Variants in CUL3 observed in about 807,000 individuals in gnomAD.
CUL3 encodes the protein cullin 3, also known as cullin-3.
CUL3 carries 19 observed loss-of-function variants against 89.1 expected under a neutral mutation model. The observed-to-expected ratio is 0.21, with a 90% CI of 0.15 to 0.31. The LOEUF (loss-of-function observed/expected upper bound fraction) is 0.31, where lower values mean the gene tolerates loss of function less well. Among genes scored for constraint, CUL3 ranks in the 10% least tolerant of loss-of-function variants. The probability of loss-of-function intolerance (pLI) is 1.00; values close to 1 mark genes in which losing one functional copy is unlikely to be tolerated. For synonymous variants in CUL3, 351 were observed against 308.4 expected, an observed-to-expected ratio of 1.14 and a Z score of -1.45; for missense variants, 469 against 942.3, an observed-to-expected ratio of 0.50 and a Z score of 6.58.
chr2:224,482,434 T>C (rs1270528897), intron 13 of CUL3, among the ~76,000 whole-genome samples: 1 of 152,148 alleles, frequency 6.6e-6, no homozygotes, highest in Non-Finnish European at 1.5e-5. Context: ...ATAAATATTT[T>C]ACAATCTTCC....
intron 3 of CUL3, among the ~76,000 whole-genome samples, chr2:224,518,795 C>T (rs1693159257): frequency 6.6e-6 from 1 of 152,220 alleles, no homozygotes; most frequent in African/African-American, 2.4e-5. Flanking sequence ...GTACACTTCA[C>T]TACTTCTTCC....
intron 3 of CUL3, among the ~76,000 whole-genome samples, chr2:224,528,389 G>A (rs1044764906): frequency 6.6e-6 from 1 of 152,152 alleles, no homozygotes; most frequent in Non-Finnish European, 1.5e-5. Flanking sequence ...GTAAGAACCA[G>A]TATGATTACA....
At chr2:224,518,928 T>G (rs1693165750) in intron 3 of CUL3, among the ~76,000 whole-genome samples, 1 of 152,244 alleles carries the variant, frequency 6.6e-6, no homozygotes, top group Non-Finnish European at 1.5e-5. Flanking sequence ...GTCTGCTATC[T>G]TAAGCCCTCT....
At chr2:224,545,161 T>C (rs917280176) in intron 2 of CUL3, among the ~76,000 whole-genome samples, 4 of 152,170 alleles carry the variant, frequency 2.6e-5, no homozygotes, top group Admixed American at 6.5e-5. Flanking sequence ...AGATAATTAA[T>C]TTTAAGTTTT....
intron 1 of CUL3, among the ~76,000 whole-genome samples, chr2:224,566,612 C>T (rs577320397): frequency 6.6e-6 from 1 of 152,326 alleles, no homozygotes; most frequent in South Asian, 2.1e-4. Flanking sequence ...TCTTCAATGG[C>T]AGAAGCTGCT....
intron 3 of CUL3, among the ~76,000 whole-genome samples, chr2:224,515,494 G>A (rs1020536803): frequency 1.3e-4 from 20 of 152,104 alleles, no homozygotes; most frequent in Admixed American, 3.9e-4. Context: ...GGATCTCTCT[G>A]GGCTTTGGTG....
At chr2:224,567,068 G>A (rs546160363) in intron 1 of CUL3, among the ~76,000 whole-genome samples, 2 of 152,236 alleles carry the variant, frequency 1.3e-5, no homozygotes, top group South Asian at 2.1e-4. Context: ...CTGGGGGCAC[G>A]TCGAATGGGT....
chr2:224,568,719 T>A (rs1695107634), intron 1 of CUL3, among the ~76,000 whole-genome samples: 1 of 152,084 alleles, frequency 6.6e-6, no homozygotes, highest in African/African-American at 2.4e-5. Flanking sequence ...AAATATTAAC[T>A]GGGAAAAAAA....
At chr2:224,574,267 C>T (rs1695248820) in intron 1 of CUL3, among the ~76,000 whole-genome samples, 1 of 152,074 alleles carries the variant, frequency 6.6e-6, no homozygotes, top group Admixed American at 6.5e-5. Flanking sequence ...ATTACAAGTA[C>T]TAAATGGAGG....
chr2:224,506,690 C>A (rs532656592), intron 7 of CUL3, among the ~76,000 whole-genome samples, 168 bp downstream of exon 7: 1 of 152,046 alleles, frequency 6.6e-6, no homozygotes, highest in South Asian at 2.1e-4. Flanking sequence ...GATATAAATA[C>A]GCACACCTTG....
chr2:224,585,101 T>C lies in CUL3; in HGVS notation c.-92A>G, dbSNP rs1695549633. 2 of 1,045,250 alleles carry C rather than the reference T, an allele frequency of 1.9e-6. No individual in the cohort carries two copies. The highest frequency in any genetic ancestry group is 1.7e-5 in the African/African-American group (1 of 58,232). The allele number at this position is 1,045,250 out of a possible 1,614,324, so 64.7% of individuals were successfully genotyped here. On this transcript the variant is annotated 5_prime_UTR_variant, in exon 1 of 16. Coordinates refer to ENST00000264414, the MANE Select transcript of CUL3 (RefSeq NM_003590.5). ...CGGGCAGGCAGGCTAGGGGCGACGC[T>C]GGGGGCGGCGGCGGCGCGACCCCCG...
chr2:224,484,036 A>T (rs1253606581), intron 13 of CUL3, among the ~76,000 whole-genome samples: 1 of 152,094 alleles, frequency 6.6e-6, no homozygotes, highest in Non-Finnish European at 1.5e-5. Flanking sequence ...CCAAACATTT[A>T]AAAAATAGCC....
chr2:224,562,556 T>A (rs1444718573), intron 1 of CUL3: 1 of 150,934 alleles, frequency 6.6e-6, no homozygotes, highest in African/African-American at 2.4e-5. Context: ...GAAAATCGCT[T>A]GAACCCGGGA....
chr2:224,525,097 G>A (rs1693422577), intron 3 of CUL3, among the ~76,000 whole-genome samples: 2 of 150,884 alleles, frequency 1.3e-5, no homozygotes, highest in African/African-American at 2.4e-5. Context: ...AAACCCAAAT[G>A]TATCAGTAAT....
In CUL3 at chr2:224,485,160, G is replaced by A. The variant is rs1691668965; in HGVS notation, c.1843-3082C>T. 1 of 152,278 alleles carries A rather than the reference G, an allele frequency of 6.6e-6. No individual in the cohort carries two copies. The highest frequency in any genetic ancestry group is 2.4e-5 in the African/African-American group (1 of 41,458). 9.4% of individuals were successfully genotyped at this position (152,278 alleles called of 1,614,324 possible). ...TTCCCTTGTGTGCCTACACCACCAG[G>A]ACCCTGGGTTTCTAGCACAAAACTG... is the stretch of plus-strand genomic sequence containing the variant. On this transcript the variant is annotated intron_variant, in intron 13 of 15. Transcript: ENST00000264414. The surrounding 1 kb of genome is among the most constrained non-coding windows in gnomAD (Gnocchi z 4.1).
chr2:224,478,150 A>C, intron 15 of CUL3, 50 bp downstream of exon 15: 1 of 1,503,774 alleles, frequency 6.6e-7, no homozygotes, highest in Non-Finnish European at 8.9e-7. Flanking sequence ...TAATTTTGTT[A>C]ATAATGTTAC....
intron 2 of CUL3, among the ~76,000 whole-genome samples, chr2:224,551,297 C>T (rs1694507109): frequency 6.6e-6 from 1 of 151,586 alleles, no homozygotes; most frequent in Non-Finnish European, 1.5e-5. Flanking sequence ...GCTCTGCCTC[C>T]TGGGTTCACA....
intron 3 of CUL3, among the ~76,000 whole-genome samples, chr2:224,529,383 C>T (rs1026544105): frequency 1.3e-5 from 2 of 150,594 alleles, no homozygotes; most frequent in African/African-American, 2.4e-5. Flanking sequence ...TTTGGGAGGC[C>T]GAGGTAGGCA....
chr2:224,551,839 G>C (rs1694527347), intron 2 of CUL3, among the ~76,000 whole-genome samples: 1 of 152,108 alleles, frequency 6.6e-6, no homozygotes, highest in Admixed American at 6.5e-5. Context: ...ACTTTGCCTA[G>C]AATACTCTTC....
Sources: gnomAD v4.1 joint callset for allele counts (sites outside exome capture counted in the v4.1 genomes callset) on GRCh38, gnomAD v4.1.1 for gene constraint, Gnocchi (gnomAD v3.1) non-coding constraint, MANE v1.5 for transcripts, NCBI Gene and HGNC (gene_info 2026-07-23, HGNC 2026-07-21) for gene names.